The following PPIG variants were observed in gnomAD, a reference collection of about 807,000 sequenced individuals.
PPIG encodes peptidylprolyl isomerase G, also known as peptidyl-prolyl cis-trans isomerase G.
PPIG carries 26 observed loss-of-function variants against 87.9 expected under a neutral mutation model. The ratio of observed to expected loss-of-function variants is 0.30; its 90% CI spans 0.22 to 0.41. PPIG has a LOEUF of 0.41. Among genes scored for constraint, PPIG ranks in the 10% least tolerant of loss-of-function variants. PPIG has a pLI of 1.00. For missense variants in PPIG, 722 were observed against 879.4 expected, an observed-to-expected ratio of 0.82 and a Z score of 2.26; for synonymous variants, 308 against 276.5, an observed-to-expected ratio of 1.11 and a Z score of -1.13.
At chr2:169,625,629 C>G (rs1413094930) in intron 9 of PPIG, among the ~76,000 whole-genome samples, 1 of 151,954 alleles carries the variant, frequency 6.6e-6, no homozygotes, top group Admixed American at 6.6e-5. Context: ...ATTGTTGATT[C>G]CTTTACCGCC....
At position 169,631,038 on chromosome 2, in the gene PPIG, G is replaced by A. The variant is rs1342313121; in HGVS notation, c.761+51G>A. ...AGCTTTATATTCTGATTTCCTTTCTGTAAATCTGTTAGGATTTTGGGTCAA... is the reference window on the plus strand; with the variant it reads ...AGCTTTATATTCTGATTTCCTTTCTATAAATCTGTTAGGATTTTGGGTCAA... On this transcript the variant is annotated intron_variant, in intron 10 of 13. Transcript: ENST00000260970. 5 of 1,455,572 alleles carry A rather than the reference G, an allele frequency of 3.4e-6. No homozygotes were observed. In the African/African-American group the frequency reaches 4.3e-5, roughly 13 times the overall value. The allele number at this position is 1,455,572 out of a possible 1,614,324, so 90.2% of individuals were successfully genotyped here.
chr2:169,627,563 G>T (rs1227423792), intron 9 of PPIG, among the ~76,000 whole-genome samples: 2 of 152,042 alleles, frequency 1.3e-5, no homozygotes, highest in African/African-American at 4.8e-5. Flanking sequence ...TTCTCACTCT[G>T]TTCCCCAGGC....
At chr2:169,594,863 A>G (rs981743732) in intron 1 of PPIG, among the ~76,000 whole-genome samples, 3 of 151,906 alleles carry the variant, frequency 2.0e-5, no homozygotes, top group African/African-American at 4.8e-5. Context: ...CCTGACCTCA[A>G]GTGATGCCTT....
At chr2:169,606,266 T>G in intron 5 of PPIG, 120 bp downstream of exon 5, 1 of 778,604 alleles carries the variant, frequency 1.3e-6, no homozygotes, top group Non-Finnish European at 2.2e-6. Flanking sequence ...TAATCTTTGG[T>G]CAATTAGAAG....
At chr2:169,607,453 G>T (rs1201350595) in intron 6 of PPIG, among the ~76,000 whole-genome samples, 1 of 152,042 alleles carries the variant, frequency 6.6e-6, no homozygotes, top group Non-Finnish European at 1.5e-5. Context: ...AGGAGATTCA[G>T]CAATATTTCT....
intron 9 of PPIG, among the ~76,000 whole-genome samples, chr2:169,629,741 A>G (rs1026038884): frequency 3.9e-5 from 6 of 152,192 alleles, no homozygotes; most frequent in Non-Finnish European, 5.9e-5. Flanking sequence ...TCAGTGCCTC[A>G]CAAGAAGTTG....
intron 1 of PPIG, among the ~76,000 whole-genome samples, chr2:169,594,431 A>T (rs1459890548): frequency 1.3e-5 from 2 of 151,892 alleles, no homozygotes; most frequent in Non-Finnish European, 2.9e-5. Flanking sequence ...TTACCCTTAA[A>T]CCCATGGCCC....
chr2:169,633,793 T>G (rs533952247), intron 12 of PPIG, among the ~76,000 whole-genome samples: 1 of 151,986 alleles, frequency 6.6e-6, no homozygotes, highest in South Asian at 2.1e-4. Context: ...TCAGTCTTCA[T>G]CTTACTTAAT....
chr2:169,620,830 A>G (rs963413464), intron 9 of PPIG, among the ~76,000 whole-genome samples: 1 of 152,156 alleles, frequency 6.6e-6, no homozygotes, highest in African/African-American at 2.4e-5. Context: ...TCTAAAAGTA[A>G]TGGAGTGAGA....
intron 9 of PPIG, among the ~76,000 whole-genome samples, chr2:169,621,923 C>T (rs6709929): frequency 0.99 from 147,840 of 149,092 alleles, 73,311 homozygotes; most frequent in East Asian, 1. Flanking sequence ...GGGACTCTTC[C>T]CTACCAAAAA....
intron 7 of PPIG, among the ~76,000 whole-genome samples, chr2:169,611,358 C>G (rs1456038894): frequency 6.6e-6 from 1 of 152,138 alleles, no homozygotes; most frequent in African/African-American, 2.4e-5. Context: ...CAACTTTTGG[C>G]TATAATATAA....
chr2:169,592,252 A>G (rs1298535871), intron 1 of PPIG, among the ~76,000 whole-genome samples: 1 of 151,006 alleles, frequency 6.6e-6, no homozygotes, highest in Non-Finnish European at 1.5e-5. Flanking sequence ...AAAAAAATGA[A>G]AAATTGACCA....
chr2:169,617,140 T>C (rs1239899187), intron 9 of PPIG, among the ~76,000 whole-genome samples: 1 of 152,220 alleles, frequency 6.6e-6, no homozygotes, highest in Non-Finnish European at 1.5e-5. Flanking sequence ...TTCTTGTTTT[T>C]GTCAGGTTTG....
At chr2:169,624,411 A>G (rs555372476) in intron 9 of PPIG, among the ~76,000 whole-genome samples, 3 of 152,350 alleles carry the variant, frequency 2.0e-5, no homozygotes, top group South Asian at 4.1e-4. Flanking sequence ...CTAATTAACC[A>G]GAAATGGCCC....
intron 9 of PPIG, among the ~76,000 whole-genome samples, chr2:169,620,003 CA>C (rs1446972102): frequency 2.0e-5 from 3 of 152,076 alleles, no homozygotes; most frequent in Non-Finnish European, 2.9e-5. Context: ...GTATGGTTTG[CA>C]AATATTTTCT....
intron 9 of PPIG, among the ~76,000 whole-genome samples, chr2:169,619,630 C>G (rs1685690689): frequency 6.6e-6 from 1 of 151,848 alleles, no homozygotes; most frequent in African/African-American, 2.4e-5. Context: ...GTAATGCCCT[C>G]TTTCTGTTTT....
chr2:169,635,951 T>G (rs925068262), intron 12 of PPIG, 141 bp from the exon 13 acceptor site: 1 of 454,804 alleles, frequency 2.2e-6, no homozygotes, highest in African/African-American at 2.0e-5. Context: ...AGCTACTGTT[T>G]CAATGCTTTT....
intron 7 of PPIG, among the ~76,000 whole-genome samples, 156 bp from the exon 8 acceptor site, chr2:169,614,308 T>G (rs994321486): frequency 6.6e-6 from 1 of 152,236 alleles, no homozygotes; most frequent in Non-Finnish European, 1.5e-5. Context: ...TCTGTTCTAC[T>G]TAAGATTGAG....
intron 9 of PPIG, among the ~76,000 whole-genome samples, chr2:169,624,647 G>T (rs1270284536): frequency 6.6e-6 from 1 of 152,190 alleles, no homozygotes; most frequent in African/African-American, 2.4e-5. Context: ...GAGTGCAGTG[G>T]TGCGTTCTCG....
Sources: allele counts gnomAD v4.1 joint callset (sites outside exome capture counted in the v4.1 genomes callset), GRCh38; gene constraint gnomAD v4.1.1; transcripts MANE v1.5; gene names NCBI Gene and HGNC (gene_info 2026-07-23, HGNC 2026-07-21).